The following DBNL variants were observed in gnomAD, a reference collection of about 807,000 sequenced individuals.
The protein encoded by DBNL is drebrin-like protein.
A neutral mutation model predicts 62.2 loss-of-function variants in DBNL; 35 were observed. The ratio of observed to expected loss-of-function variants is 0.56; its 90% CI spans 0.43 to 0.75. The LOEUF is 0.75. DBNL is among the 30% of genes least tolerant of loss of function. The pLI, the probability that DBNL is intolerant of heterozygous loss-of-function variation, is 0.00. For missense variants in DBNL, 495 were observed against 578.4 expected, an observed-to-expected ratio of 0.86 and a Z score of 1.48; for synonymous variants, 197 against 218.0, an observed-to-expected ratio of 0.90 and a Z score of 0.85.
intron 4 of DBNL, among the ~76,000 whole-genome samples, chr7:44,053,379 C>T (rs1289396202): frequency 6.6e-6 from 1 of 152,184 alleles, no homozygotes; most frequent in Non-Finnish European, 1.5e-5. Flanking sequence ...TATAATAGAA[C>T]CTTTTTAAAT....
chr7:44,057,939 A>G, intron 6 of DBNL, 80 bp downstream of exon 6: 1 of 1,590,906 alleles, frequency 6.3e-7, no homozygotes. Flanking sequence ...AAGTGAGCTC[A>G]TGCAGCATCC....
rs10250779 is a variant in DBNL, at chr7:44,065,297, C to A, written c.*4381C>A. 1 of 1,613,578 alleles carries A rather than the reference C, an allele frequency of 6.2e-7. No homozygotes were observed. Among genetic ancestry groups the A allele is most frequent in the Non-Finnish European group, 8.5e-7 (1 of 1,180,048 alleles). ...GCGCCAAGTGCGCACCACAGGCAGC[C>A]ACATCTGGTCCGTGCCGTCCAGGAT... On this transcript the variant is annotated 3_prime_UTR_variant, in exon 13 of 13. Coordinates refer to ENST00000448521, the MANE Select transcript of DBNL (RefSeq NM_001014436.3).
intron 4 of DBNL, among the ~76,000 whole-genome samples, chr7:44,055,496 T>C (rs2096134663): frequency 6.6e-6 from 1 of 152,184 alleles, no homozygotes; most frequent in Non-Finnish European, 1.5e-5. Context: ...ATACTGTTTT[T>C]ATAATGGCTG....
intron 1 of DBNL, among the ~76,000 whole-genome samples, chr7:44,045,246 C>G (rs1213555048): frequency 6.6e-6 from 1 of 152,184 alleles, no homozygotes; most frequent in African/African-American, 2.4e-5. Context: ...TTTTTGCAAA[C>G]GCTGTGTTCG....
At position 44,059,317 on chromosome 7, in the gene DBNL, T is replaced by G. The variant is rs201324805; in HGVS notation, c.836-37T>G. ...TGGGGTGCGTGGGTGTGTGGTGGTG[T>G]TTCTGAAGTGATGTATATATTTACC... On this transcript the variant is annotated intron_variant, in intron 9 of 12. Coordinates refer to ENST00000448521, the MANE Select transcript of DBNL (RefSeq NM_001014436.3). The surrounding 1 kb of genome is among the most constrained non-coding windows in gnomAD (Gnocchi z 4.1). 1 of 1,606,660 alleles carries G rather than the reference T, an allele frequency of 6.2e-7. No homozygotes were observed. Among genetic ancestry groups the G allele is most frequent in the East Asian group, 2.2e-5 (1 of 44,776 alleles).
rs1402891481 is a variant in DBNL at position 44,061,459 on chromosome 7, C to T, written c.*543C>T. The stretch of plus-strand genomic sequence containing the variant: ...GGAGCCTGCTCTGTGCTCCCCACTC[C>T]ATTTCTCTGTCCCTCTGCCTGGGCT... On this transcript the variant is annotated 3_prime_UTR_variant, in exon 13 of 13. Coordinates refer to ENST00000448521, the MANE Select transcript of DBNL (RefSeq NM_001014436.3). 1.9e-5 allele frequency: 3 copies of T among 154,994 alleles called. No homozygotes were observed. Among genetic ancestry groups the T allele is most frequent in the Non-Finnish European group, 4.3e-5 (3 of 69,502 alleles). The allele number at this position is 154,994 out of a possible 1,614,324, so 9.6% of individuals were successfully genotyped here.
chr7:44,052,013 C>T, intron 3 of DBNL, 71 bp downstream of exon 3: 1 of 1,398,652 alleles, frequency 7.1e-7, no homozygotes, highest in Non-Finnish European at 1.0e-6. Flanking sequence ...TTTGACTTGA[C>T]TTCAGGAACA....
rs934163231 is a variant in DBNL, at chr7:44,044,835, G to C, written c.83+15G>C. ...CCGACCGACTGGTGGGCGGCGAGAC[G>C]GGCCAGGGTCGGGCCAGGGGCTGCC... On this transcript the variant is annotated intron_variant, in intron 1 of 12. Coordinates refer to ENST00000448521, the MANE Select transcript of DBNL (RefSeq NM_001014436.3). The C allele has an allele frequency of 1.3e-5, 19 of 1,457,744 alleles. No individual in the cohort carries two copies. The highest frequency in any genetic ancestry group is 2.6e-5 in the Admixed American group (1 of 39,046). 90.3% of individuals were successfully genotyped at this position (1,457,744 alleles called of 1,614,324 possible).
Position 44,062,676 on chromosome 7 carries a change from C to T in DBNL, c.*1760C>T. On this transcript the variant is annotated 3_prime_UTR_variant, in exon 13 of 13. Coordinates refer to ENST00000448521, the MANE Select transcript of DBNL (RefSeq NM_001014436.3). ...TGCACCCCTGGTTCTGGAGTCCCCA[C>T]AGCTGATGGCGGTGTGAGCCTGGCA... is the stretch of plus-strand genomic sequence containing the variant. The T allele has an allele frequency of 1.4e-6, 2 of 1,441,638 alleles. No homozygotes were observed. Among genetic ancestry groups the T allele is most frequent in the Non-Finnish European group, 1.9e-6 (2 of 1,038,498 alleles). 89.3% of individuals were successfully genotyped at this position (1,441,638 alleles called of 1,614,324 possible).
At position 44,064,793 on chromosome 7, in the gene DBNL, G is replaced by GGCCCCCCACCCCT; in HGVS notation, c.*3877_*3878insGCCCCCCACCCCT. 1 of 1,136,982 alleles carries GGCCCCCCACCCCT rather than the reference G, an allele frequency of 8.8e-7. No individual in the cohort carries two copies. The highest frequency in any genetic ancestry group is 1.5e-5 in the African/African-American group (1 of 66,160). 70.4% of individuals were successfully genotyped at this position (1,136,982 alleles called of 1,614,324 possible). On this transcript the variant is annotated 3_prime_UTR_variant, in exon 13 of 13. Transcript: ENST00000448521. Reference sequence around the variant, plus strand: ...AGATGAGAAGCCAGCTGGGGCTGCTGCCCACCCACCCTGCCCAGGCTCCTG... The same window carrying GGCCCCCCACCCCT: ...AGATGAGAAGCCAGCTGGGGCTGCTGGCCCCCCACCCCTCCCACCCACCCTGCCCAGGCTCCTG...
Position 44,066,623 on chromosome 7 carries a change from C to T in DBNL, c.*5707C>T, listed in dbSNP as rs1286407927. 6.6e-6 allele frequency: 1 copy of T among 152,316 alleles called. No individual in the cohort carries two copies. Among genetic ancestry groups the T allele is most frequent in the Non-Finnish European group, 1.5e-5 (1 of 68,060 alleles). 9.4% of individuals were successfully genotyped at this position (152,316 alleles called of 1,614,324 possible). A position where few individuals can be genotyped will look rare whatever the true frequency, so the allele number is the denominator to read the frequency against. ...TGAGAGGCCAGCAGAGGGACCACCA[C>T]TCTGAGACTTGGATCTGAGTGTGCA... is the stretch of plus-strand genomic sequence containing the variant. On this transcript the variant is annotated 3_prime_UTR_variant, in exon 13 of 13. Transcript: ENST00000448521.
At chr7:44,056,984 C>A in intron 5 of DBNL, 81 bp downstream of exon 5, 1 of 1,585,114 alleles carries the variant, frequency 6.3e-7, no homozygotes, top group Non-Finnish European at 8.6e-7. Context: ...CTTCCCAGCA[C>A]CCGGGCTGGC....
At chr7:44,058,404 C>T in intron 7 of DBNL, 28 bp from the exon 8 acceptor site, 1 of 1,614,112 alleles carries the variant, frequency 6.2e-7, no homozygotes, top group Admixed American at 1.7e-5. Context: ...TGTGCCTCAG[C>T]TGTGCCCCAC....
Position 44,065,611 on chromosome 7 carries a change from G to C in DBNL, c.*4695G>C, listed in dbSNP as rs1244598914. 3 of 1,374,664 alleles carry C rather than the reference G, an allele frequency of 2.2e-6. No individual in the cohort carries two copies. In the African/African-American group the frequency reaches 4.3e-5, roughly 20 times the overall value. 85.2% of individuals were successfully genotyped at this position (1,374,664 alleles called of 1,614,324 possible). On this transcript the variant is annotated 3_prime_UTR_variant, in exon 13 of 13. Transcript: ENST00000448521. ...CCAGCTTTATAATAGTGTCTTCCCA[G>C]CCCCCACCCACCCCAGCCAACTGCC...
At chr7:44,050,423 CAG>C in intron 2 of DBNL, 143 bp downstream of exon 2, 1 of 773,448 alleles carries the variant, frequency 1.3e-6, no homozygotes, top group Non-Finnish European at 2.2e-6. Context: ...CCTTAGGTTT[CAG>C]ATATGTGTAA....
Position 44,059,100 on chromosome 7 carries a change from G to A in DBNL, c.835+117G>A, listed in dbSNP as rs535015779. The A allele has an allele frequency of 1.4e-4, 160 of 1,108,364 alleles. 5 individuals are homozygous for A. The African/African-American group carries it at 1.6e-3, about 11-fold the overall frequency. 68.7% of individuals were successfully genotyped at this position (1,108,364 alleles called of 1,614,324 possible). On this transcript the variant is annotated intron_variant, in intron 9 of 12. Coordinates refer to ENST00000448521, the MANE Select transcript of DBNL (RefSeq NM_001014436.3). This position sits in a 1 kb window ranked among gnomAD's most constrained non-coding sequence, Gnocchi z 4.1. Reference sequence around the variant, plus strand: ...ATATATCGGTGACGGGTGAGTGAGTGAGGAGAAGGGACACCTGGGGCCATT... The same window carrying A: ...ATATATCGGTGACGGGTGAGTGAGTAAGGAGAAGGGACACCTGGGGCCATT...
Position 44,065,276 on chromosome 7 carries a change from C to A in DBNL, c.*4360C>A, listed in dbSNP as rs1339835313. 6.2e-7 allele frequency: 1 copy of A among 1,613,608 alleles called. No individual in the cohort carries two copies. The highest frequency in any genetic ancestry group is 1.3e-5 in the African/African-American group (1 of 74,952). The stretch of plus-strand genomic sequence containing the variant: ...CCCGTAATGCCGCTCATTGAGGCGC[C>A]AAGTGCGCACCACAGGCAGCCACAT... On this transcript the variant is annotated 3_prime_UTR_variant, in exon 13 of 13. Transcript: ENST00000448521.
chr7:44,058,305 T>C (rs1585991922), intron 7 of DBNL, 25 bp downstream of exon 7: 4 of 1,579,842 alleles, frequency 2.5e-6, no homozygotes, highest in Non-Finnish European at 3.4e-6. Flanking sequence ...GAGGCTGGCC[T>C]GGGGGACCCA....
intron 5 of DBNL, 94 bp downstream of exon 5, chr7:44,056,997 G>A: frequency 6.4e-7 from 1 of 1,553,542 alleles, no homozygotes; most frequent in Non-Finnish European, 8.7e-7. Flanking sequence ...GGGCTGGCTG[G>A]GCCCATGCCT....
Sources: allele counts gnomAD v4.1 joint callset (sites outside exome capture counted in the v4.1 genomes callset), GRCh38; gene constraint gnomAD v4.1.1; non-coding constraint Gnocchi (gnomAD v3.1); transcripts MANE v1.5; gene names NCBI Gene and HGNC (gene_info 2026-07-23, HGNC 2026-07-21).